Variants in CCDC178 observed in about 807,000 individuals in gnomAD.
The protein encoded by CCDC178 is coiled-coil domain-containing protein 178.
Under a neutral mutation model 117.4 loss-of-function variants are expected in CCDC178, and 126 were observed. That is an observed-to-expected ratio of 1.07 (90% CI 0.93 to 1.24). The LOEUF (loss-of-function observed/expected upper bound fraction) is 1.24. Among genes scored for constraint, CCDC178 ranks in the 50% most tolerant of loss-of-function variants. The probability of loss-of-function intolerance (pLI) is 0.00; values close to 1 mark genes in which losing one functional copy is unlikely to be tolerated. For synonymous variants in CCDC178, 283 were observed against 313.4 expected (o/e 0.90, Z 1.02); for missense variants, 1,030 against 986.9 (o/e 1.04, Z -0.59).
chr18:32,972,221 TCAGTTTTCTGCATATGGCTAGC>T lies in CCDC178; in HGVS notation c.2523+2304_2523+2325del, dbSNP rs1418701790. On this transcript the variant is annotated intron_variant, in intron 22 of 22. Coordinates refer to ENST00000383096, the MANE Select transcript of CCDC178 (RefSeq NM_001105528.4). Reference sequence around the variant, plus strand: ...TAAGGTGTAAGGAAGGGGTCCAGTTTCAGTTTTCTGCATATGGCTAGCCAGTTTTCCCAGCACCATTTATTAA... The same window carrying T: ...TAAGGTGTAAGGAAGGGGTCCAGTTTCAGTTTTCCCAGCACCATTTATTAA... Among the ~76,000 whole-genome samples the T allele has an allele frequency of 3.3e-5, 5 of 152,286 alleles. No homozygotes were observed. The East Asian group carries it at 9.7e-4, about 29-fold the overall frequency.
intron 3 of CCDC178, among the ~76,000 whole-genome samples, chr18:33,408,423 T>G (rs2063809810): frequency 6.6e-6 from 1 of 151,968 alleles, no homozygotes; most frequent in African/African-American, 2.4e-5. Flanking sequence ...TAAAACTTAC[T>G]ATTTTCAAAT....
At chr18:33,164,766 T>C (rs1420123514) in intron 20 of CCDC178, among the ~76,000 whole-genome samples, 1 of 152,180 alleles carries the variant, frequency 6.6e-6, no homozygotes, top group Non-Finnish European at 1.5e-5. Context: ...GCCTCAGATA[T>C]GTAGCCGGAA....
In CCDC178 at chr18:33,189,816, T is replaced by C. The variant is rs189257833; in HGVS notation, c.2238+22080A>G. Among the ~76,000 whole-genome samples the C allele has an allele frequency of 1.9e-3, 294 of 152,322 alleles. 2 individuals are homozygous for C. The highest frequency in any genetic ancestry group is 6.6e-3 in the African/African-American group (275 of 41,574). On this transcript the variant is annotated intron_variant, in intron 20 of 22. Transcript: ENST00000383096. ...ACATTTCTCACAAAACCTTTGACTA[T>C]AAGATTCCAGTTTAGAGTATGTCAA... is the stretch of plus-strand genomic sequence containing the variant.
intron 21 of CCDC178, among the ~76,000 whole-genome samples, chr18:32,983,708 C>T (rs569000237): frequency 6.6e-6 from 1 of 152,158 alleles, no homozygotes; most frequent in South Asian, 2.1e-4. Flanking sequence ...CAATTTCAAT[C>T]TGCTTGTTGT....
chr18:33,234,281 T>C (rs1555668244), intron 15 of CCDC178, among the ~76,000 whole-genome samples: 1 of 152,086 alleles, frequency 6.6e-6, no homozygotes, highest in Non-Finnish European at 1.5e-5. Flanking sequence ...CTTCCCTTTT[T>C]CCCGGCAACC....
intron 6 of CCDC178, among the ~76,000 whole-genome samples, chr18:33,364,526 C>G (rs915955744): frequency 6.6e-6 from 1 of 151,820 alleles, no homozygotes; most frequent in Non-Finnish European, 1.5e-5. Context: ...TCAATGTGTA[C>G]AGGAGCTAAG....
chr18:33,270,562 A>T (rs2059875310), intron 12 of CCDC178, among the ~76,000 whole-genome samples: 1 of 151,556 alleles, frequency 6.6e-6, no homozygotes, highest in African/African-American at 2.4e-5. Context: ...CAGTCAAAAC[A>T]ATGGGAAACA....
At chr18:33,280,582 A>G (rs2060011216) in intron 12 of CCDC178, among the ~76,000 whole-genome samples, 1 of 151,768 alleles carries the variant, frequency 6.6e-6, no homozygotes. Flanking sequence ...ATACCATTTG[A>G]CCCAGCCATC....
At chr18:33,029,426 T>C (rs1265559340) in intron 21 of CCDC178, among the ~76,000 whole-genome samples, 2 of 151,998 alleles carry the variant, frequency 1.3e-5, no homozygotes, top group African/African-American at 4.8e-5. Flanking sequence ...TAAAGTTTTG[T>C]CAATTTTGTT....
At chr18:33,256,709 TTC>T (rs2059684382) in intron 14 of CCDC178, among the ~76,000 whole-genome samples, 1 of 152,088 alleles carries the variant, frequency 6.6e-6, no homozygotes, top group African/African-American at 2.4e-5. Flanking sequence ...ACTTGAATAT[TTC>T]TTTCAGATTT....
intron 21 of CCDC178, among the ~76,000 whole-genome samples, chr18:32,981,809 C>G (rs745342328): frequency 2.0e-5 from 3 of 152,052 alleles, no homozygotes; most frequent in Non-Finnish European, 4.4e-5. Flanking sequence ...TCAGCTGCCT[C>G]ATAAAATTAT....
chr18:33,245,296 G>A lies in CCDC178; in HGVS notation c.1542C>T (p.His514=). 3 of 1,603,564 alleles carry A rather than the reference G, an allele frequency of 1.9e-6. No homozygotes were observed. Among genetic ancestry groups the A allele is most frequent in the Admixed American group, 1.7e-5 (1 of 58,596 alleles). The stretch of plus-strand genomic sequence containing the variant: ...TTTTATCTTCCATTTCATCTGTCTT[G>A]TGTTTGGTTAGGTGGAAAAGAGTAC... ...RIGTLFHLTK[H]KTDEMEDKIA... is the part of the protein sequence containing the mutation. The change falls in exon 15 of 23, where the codon CAC becomes CAT. Residue 514 remains histidine (H), a synonymous_variant. Coordinates refer to ENST00000383096, the MANE Select transcript of CCDC178 (RefSeq NM_001105528.4).
intron 21 of CCDC178, among the ~76,000 whole-genome samples, chr18:32,984,239 C>T (rs2055214638): frequency 6.6e-6 from 1 of 151,708 alleles, no homozygotes; most frequent in African/African-American, 2.4e-5. Flanking sequence ...GATAATTCTG[C>T]ATTTGGATCT....
intron 11 of CCDC178, among the ~76,000 whole-genome samples, chr18:33,299,253 T>C (rs2062145413): frequency 1.3e-5 from 2 of 152,064 alleles, no homozygotes; most frequent in South Asian, 4.1e-4. Flanking sequence ...TAAAAATGGA[T>C]ACATAGACCA....
chr18:33,039,011 C>T (rs1203568573), intron 21 of CCDC178, among the ~76,000 whole-genome samples: 1 of 151,758 alleles, frequency 6.6e-6, no homozygotes, highest in Non-Finnish European at 1.5e-5. Context: ...CTACAATTTA[C>T]AAAATACAGA....
At chr18:33,237,333 C>G (rs569679102) in intron 15 of CCDC178, among the ~76,000 whole-genome samples, 52 of 152,096 alleles carry the variant, frequency 3.4e-4, no homozygotes, top group Non-Finnish European at 5.6e-4. Flanking sequence ...CAGGGCAAAC[C>G]CACCCTTGAA....
chr18:33,253,887 T>C (rs1032448066), intron 14 of CCDC178, among the ~76,000 whole-genome samples: 1 of 151,882 alleles, frequency 6.6e-6, no homozygotes, highest in Non-Finnish European at 1.5e-5. Flanking sequence ...ATAATACCTA[T>C]CATCAAAGTT....
At chr18:33,278,239 ATATATATATATC>A (rs1051439501) in intron 12 of CCDC178, among the ~76,000 whole-genome samples, 4 of 128,656 alleles carry the variant, frequency 3.1e-5, no homozygotes, top group African/African-American at 1.0e-4. Flanking sequence ...ACATATATAT[ATATATATATATC>A]TATATACATA....
At chr18:33,308,725 C>T (rs777954469) in intron 11 of CCDC178, among the ~76,000 whole-genome samples, 2 of 152,098 alleles carry the variant, frequency 1.3e-5, no homozygotes, top group African/African-American at 2.4e-5. Flanking sequence ...GGGCAGTTCC[C>T]CCATACTATT....
Sources: gnomAD v4.1 joint callset for allele counts (sites outside exome capture counted in the v4.1 genomes callset) on GRCh38, gnomAD v4.1.1 for gene constraint, MANE v1.5 for transcripts, NCBI Gene and HGNC (gene_info 2026-07-23, HGNC 2026-07-21) for gene names.